Variants in TRAK1 observed in about 807,000 individuals in gnomAD.
The protein encoded by TRAK1 is trafficking kinesin protein 1, also known as trafficking kinesin-binding protein 1.
In TRAK1, 33 loss-of-function variants were observed where a neutral mutation model predicts 92.1. That is an observed-to-expected ratio of 0.36 (90% CI 0.27 to 0.48). The LOEUF (loss-of-function observed/expected upper bound fraction) is 0.48. TRAK1 is among the 20% of genes least tolerant of loss of function. The pLI is 0.99. For missense variants in TRAK1, 1,123 were observed against 1,257.9 expected (o/e 0.89, Z 1.62); for synonymous variants, 521 against 517.3 (o/e 1.01, Z -0.10).
At chr3:42,174,215 G>C (rs1702911208) in intron 2 of TRAK1, among the ~76,000 whole-genome samples, 1 of 151,936 alleles carries the variant, frequency 6.6e-6, no homozygotes, top group African/African-American at 2.4e-5. Flanking sequence ...GTAGAGACAG[G>C]TGTGCATTTT....
chr3:42,169,870 G>A (rs932901820), intron 2 of TRAK1, among the ~76,000 whole-genome samples: 8 of 152,178 alleles, frequency 5.3e-5, no homozygotes, highest in African/African-American at 1.9e-4. Context: ...ACAAAAGTGG[G>A]CAGAAGAGCT....
chr3:42,103,383 C>T (rs981813804), intron 1 of TRAK1, among the ~76,000 whole-genome samples: 1 of 152,058 alleles, frequency 6.6e-6, no homozygotes, highest in Admixed American at 6.6e-5. Flanking sequence ...CTGGGTTGGC[C>T]AGGCTGGTCT....
intron 1 of TRAK1, among the ~76,000 whole-genome samples, chr3:42,076,881 A>C (rs1442844359): frequency 6.6e-6 from 1 of 152,174 alleles, no homozygotes; most frequent in East Asian, 1.9e-4. Flanking sequence ...CATTTATTGA[A>C]TAGGGAGTCC....
At chr3:42,217,121 AC>A in intron 14 of TRAK1, 2 of 232,962 alleles carry the variant, frequency 8.6e-6, no homozygotes, top group Non-Finnish European at 1.3e-5. Context: ...TTTTTTTAGA[AC>A]TTGCTCTCTT....
chr3:42,196,045 C>A (rs1204842283), intron 10 of TRAK1, among the ~76,000 whole-genome samples: 2 of 152,216 alleles, frequency 1.3e-5, no homozygotes, highest in Non-Finnish European at 2.9e-5. Flanking sequence ...TCTTTGAAAA[C>A]TGAACTATTG....
upstream of TRAK1, among the ~76,000 whole-genome samples, chr3:42,013,326 T>TGAC (rs1187542504): frequency 5.3e-5 from 8 of 152,076 alleles, no homozygotes; most frequent in African/African-American, 1.9e-4. This position sits in a 1 kb window ranked among gnomAD's most constrained non-coding sequence, Gnocchi z 5.1. Flanking sequence ...GGTCCCATCC[T>TGAC]TCTCTTAGAC....
chr3:42,109,939 C>A (rs972927762), intron 1 of TRAK1, among the ~76,000 whole-genome samples: 1 of 151,170 alleles, frequency 6.6e-6, no homozygotes, highest in South Asian at 2.1e-4. Context: ...ACATCACACA[C>A]CGGGGCCTGT....
At chr3:42,091,230 G>A (rs768607623), upstream of TRAK1, 18 of 490,292 alleles carry the variant, frequency 3.7e-5, no homozygotes, top group South Asian at 2.0e-4. Context: ...TTTTGGGTGC[G>A]TCATTTTCTG....
chr3:42,041,897 C>A (rs1030327119), intron 1 of TRAK1, among the ~76,000 whole-genome samples: 1 of 151,880 alleles, frequency 6.6e-6, no homozygotes, highest in Non-Finnish European at 1.5e-5. Context: ...CGGGTTCAAG[C>A]GATTCTCCTG....
At chr3:42,108,102 T>C (rs1393902373) in intron 1 of TRAK1, among the ~76,000 whole-genome samples, 2 of 152,052 alleles carry the variant, frequency 1.3e-5, no homozygotes, top group Admixed American at 6.6e-5. Context: ...CTAAGAAATG[T>C]AGTTTTTCCA....
chr3:42,120,927 CAAGT>C (rs1306470621), intron 1 of TRAK1, among the ~76,000 whole-genome samples: 2 of 152,198 alleles, frequency 1.3e-5, no homozygotes, highest in Non-Finnish European at 2.9e-5. Flanking sequence ...ATGCCTACCA[CAAGT>C]ATGAAGTCTT....
At chr3:42,139,159 T>C (rs2055285) in intron 2 of TRAK1, among the ~76,000 whole-genome samples, 77,336 of 151,896 alleles carry the variant, frequency 0.51, 19,895 homozygotes, top group South Asian at 0.65. Flanking sequence ...AAGAATTTCT[T>C]TTGTGTAAAT....
chr3:42,079,477 C>CTTTTTT (rs748826131), intron 1 of TRAK1, among the ~76,000 whole-genome samples: 9 of 136,244 alleles, frequency 6.6e-5, no homozygotes, highest in South Asian at 2.3e-4. Flanking sequence ...GCTCCTTCTT[C>CTTTTTT]TTTTTTTTTT....
chr3:42,067,768 T>A (rs1703739589), intron 1 of TRAK1, among the ~76,000 whole-genome samples: 2 of 150,900 alleles, frequency 1.3e-5, no homozygotes, highest in South Asian at 4.3e-4. Context: ...CTTTATAGGT[T>A]GATATTGATA....
intron 1 of TRAK1, among the ~76,000 whole-genome samples, chr3:42,024,322 T>C (rs946899644): frequency 5.3e-5 from 8 of 152,194 alleles, no homozygotes; most frequent in Non-Finnish European, 1.2e-4. Flanking sequence ...AAAATATCTT[T>C]TGGGTTTGTT....
At position 42,221,146 on chromosome 3, in the gene TRAK1, GAAAC is replaced by G. The variant is rs1710309588; in HGVS notation, c.2066+1558_2066+1561del. 2.5e-5 allele frequency among the ~76,000 whole-genome samples: 3 copies of G among 118,710 alleles called. No individual in the cohort carries two copies. In the South Asian group the frequency reaches 9.0e-4, roughly 35 times the overall value. 77.9% of individuals were successfully genotyped at this position (118,710 alleles called of 152,430 possible). A position where few individuals can be genotyped will look rare whatever the true frequency, so the allele number is the denominator to read the frequency against. ...GAAATAAAATGGAAACAAATCAATT[GAAAC>G]AAACAAAATGGAAACAAAATCTCCC... On this transcript the variant is annotated intron_variant, in intron 15 of 15. Transcript: ENST00000327628.
At chr3:42,108,736 A>G (rs142376232) in intron 1 of TRAK1, among the ~76,000 whole-genome samples, 4 of 152,202 alleles carry the variant, frequency 2.6e-5, no homozygotes, top group African/African-American at 4.8e-5. Flanking sequence ...ATACTCTACA[A>G]TGCAAAAGAC....
intron 1 of TRAK1, among the ~76,000 whole-genome samples, chr3:42,098,881 T>C (rs539115105): frequency 2.0e-5 from 3 of 150,172 alleles, no homozygotes; most frequent in East Asian, 3.9e-4. Context: ...CCCACGAGAG[T>C]GAGGGAGGCC....
chr3:42,017,281 G>C (rs975931724), intron 1 of TRAK1, among the ~76,000 whole-genome samples: 1 of 152,060 alleles, frequency 6.6e-6, no homozygotes, highest in African/African-American at 2.4e-5. Context: ...CAAAACAAAA[G>C]AAAATGGACT....
Sources: allele counts gnomAD v4.1 joint callset (sites outside exome capture counted in the v4.1 genomes callset), GRCh38; gene constraint gnomAD v4.1.1; non-coding constraint Gnocchi (gnomAD v3.1); transcripts MANE v1.5; gene names NCBI Gene and HGNC (gene_info 2026-07-23, HGNC 2026-07-21).